Variants in CRISP2 observed in about 807,000 individuals in gnomAD.
The protein encoded by CRISP2 is cysteine rich secretory protein 2, also known as cysteine-rich secretory protein 2.
A neutral mutation model predicts 31.7 loss-of-function variants in CRISP2; 29 were observed. That is an observed-to-expected ratio of 0.92 (90% CI 0.68 to 1.25). The LOEUF is 1.25. CRISP2 is among the 50% of genes most tolerant of loss of function. CRISP2 has a pLI of 0.00. For synonymous variants in CRISP2, 111 were observed against 101.4 expected (o/e 1.09, Z -0.57); for missense variants, 318 against 286.5 (o/e 1.11, Z -0.79).
the CRISP2 span, among the ~76,000 whole-genome samples, chr6:49,682,587 T>TTTTC: frequency 0.054 from 4,503 of 83,222 alleles, 159 homozygotes; most frequent in Non-Finnish European, 0.073. Flanking sequence ...CTTTCTTTCT[T>TTTTC]TTTCTTTCTT....
chr6:49,692,747 G>A lies in CRISP2; in HGVS notation c.*26C>T. The A allele has an allele frequency of 6.2e-7, 1 of 1,604,914 alleles. No individual in the cohort carries two copies. ...AAATGATGCAGCCCTTATCCATGCA[G>A]TCTTGCACAATGCTCACTAGGTAAA... On this transcript the variant is annotated 3_prime_UTR_variant, in exon 10 of 10. Transcript: ENST00000339139.
At chr6:49,703,597 G>C (rs1350377031) in intron 4 of CRISP2, among the ~76,000 whole-genome samples, 2 of 152,116 alleles carry the variant, frequency 1.3e-5, no homozygotes, top group Admixed American at 1.3e-4. Flanking sequence ...AAGGTACTGA[G>C]TTCTTGATTT....
At position 49,700,787 on chromosome 6, in the gene CRISP2, A is replaced by T. The variant is rs750411661; in HGVS notation, c.67-3T>A. The T allele has an allele frequency of 9.7e-5, 148 of 1,530,208 alleles. No homozygotes were observed. Among genetic ancestry groups the T allele is most frequent in the Non-Finnish European group, 1.3e-4 (140 of 1,106,916 alleles). 94.8% of individuals were successfully genotyped at this position (1,530,208 alleles called of 1,614,324 possible). On this transcript the variant is annotated splice_polypyrimidine_tract_variant and splice_region_variant and intron_variant, in intron 4 of 9. Coordinates refer to ENST00000339139, the MANE Select transcript of CRISP2 (RefSeq NM_003296.4). ...AACAAAGCAGTAAAAGCGGGATCCT[A>T]AAAGAAAATAAAATTGGAATTATTA...
the CRISP2 span, among the ~76,000 whole-genome samples, chr6:49,682,619 C>CT: frequency 1.4e-5 from 1 of 70,476 alleles, no homozygotes; most frequent in Non-Finnish European, 2.4e-5. Context: ...TTCTTTCTTT[C>CT]TTTCTTTCTT....
At chr6:49,711,577 A>C (rs549019558) in intron 2 of CRISP2, among the ~76,000 whole-genome samples, 2 of 152,290 alleles carry the variant, frequency 1.3e-5, no homozygotes, top group Non-Finnish European at 2.9e-5. Flanking sequence ...CTCCTTAGGC[A>C]CACGATAATC....
downstream of CRISP2, among the ~76,000 whole-genome samples, chr6:49,687,969 C>T (rs1482316714): frequency 2.0e-5 from 3 of 152,144 alleles, no homozygotes; most frequent in African/African-American, 7.2e-5. Flanking sequence ...GTATTAGGCA[C>T]ACCTGTGTTC....
At chr6:49,711,628 C>T (rs1227873981) in intron 2 of CRISP2, among the ~76,000 whole-genome samples, 1 of 152,146 alleles carries the variant, frequency 6.6e-6, no homozygotes, top group Admixed American at 6.5e-5. Context: ...ATATTGACAA[C>T]CCAAGACAGG....
At chr6:49,681,371 AC>A in the CRISP2 span, among the ~76,000 whole-genome samples, 3 of 152,048 alleles carry the variant, frequency 2.0e-5, no homozygotes, top group Non-Finnish European at 4.4e-5. Context: ...TTTTGTACTT[AC>A]CAGTATCATG....
the CRISP2 span, among the ~76,000 whole-genome samples, chr6:49,681,875 G>A: frequency 0.74 from 112,743 of 151,952 alleles, 42,719 homozygotes; most frequent in East Asian, 0.97. Context: ...TAATCAATAT[G>A]TTGCTTTCCT....
intron 7 of CRISP2, 77 bp from the exon 8 acceptor site, chr6:49,698,034 A>G: frequency 8.5e-7 from 1 of 1,177,732 alleles, no homozygotes; most frequent in Non-Finnish European, 1.2e-6. Context: ...TAGCAAATAT[A>G]AAACTGAAAA....
the CRISP2 span, among the ~76,000 whole-genome samples, chr6:49,684,596 A>G: frequency 6.6e-6 from 1 of 152,308 alleles, no homozygotes; most frequent in East Asian, 1.9e-4. Context: ...ATTGAGTATC[A>G]TTAGTACCTC....
chr6:49,693,429 C>T lies in CRISP2; in HGVS notation c.605-529G>A, dbSNP rs191870342. Among the ~76,000 whole-genome samples the T allele has an allele frequency of 3.3e-5, 5 of 152,296 alleles. No individual in the cohort carries two copies. In the East Asian group the frequency reaches 9.6e-4, roughly 29 times the overall value. On this transcript the variant is annotated intron_variant, in intron 9 of 9. Coordinates refer to ENST00000339139, the MANE Select transcript of CRISP2 (RefSeq NM_003296.4). ...ATATTGGGCAGCATGGCATTACACT[C>T]CAATGCTTTTTTTGAGTAAATAATC... is the stretch of plus-strand genomic sequence containing the variant.
chr6:49,709,263 AG>A, intron 3 of CRISP2, 58 bp from the exon 4 acceptor site: 1 of 1,412,876 alleles, frequency 7.1e-7, no homozygotes, highest in Non-Finnish European at 9.9e-7. Context: ...AACTTCTAAG[AG>A]GGGGAATACC....
At chr6:49,705,209 G>T (rs1766814198) in intron 4 of CRISP2, among the ~76,000 whole-genome samples, 1 of 151,978 alleles carries the variant, frequency 6.6e-6, no homozygotes, top group Non-Finnish European at 1.5e-5. Flanking sequence ...ATGGGGGTGT[G>T]GTTCTCAGGC....
chr6:49,697,905 T>C lies in CRISP2; in HGVS notation c.470A>G (p.Asn157Ser), dbSNP rs772193402. 1.4e-5 allele frequency: 22 copies of C among 1,611,852 alleles called. No homozygotes were observed. In the South Asian group the frequency reaches 1.9e-4, roughly 14 times the overall value. ...ATAGTAGTATTTTAGACTATCTTGA[T>C]TGGGACAGTAGGCAATTCCACAGCC... Reference protein sequence around the residue: ...QVGCGIAYCPNQDSLKYYYVC... With the variant: ...QVGCGIAYCPSQDSLKYYYVC... Residue 157 changes from asparagine (N) to serine (S), a missense_variant, in exon 8 of 10, where the codon AAT becomes AGT. By Grantham distance (46) the Asn-to-Ser change is conservative. Coordinates refer to ENST00000339139, the MANE Select transcript of CRISP2 (RefSeq NM_003296.4).
At chr6:49,691,527 G>T (rs1193266755), downstream of CRISP2, among the ~76,000 whole-genome samples, 1 of 151,902 alleles carries the variant, frequency 6.6e-6, no homozygotes, top group Non-Finnish European at 1.5e-5. Context: ...CTATATTGCT[G>T]ATACATTTAC....
chr6:49,694,740 C>CTTT (rs61258519), intron 9 of CRISP2, among the ~76,000 whole-genome samples: 9 of 141,908 alleles, frequency 6.3e-5, no homozygotes, highest in Non-Finnish European at 7.6e-5. Context: ...CTATTTTTTT[C>CTTT]TTTTTTTTTT....
chr6:49,706,220 A>C (rs1383350787), intron 4 of CRISP2, among the ~76,000 whole-genome samples: 1 of 152,176 alleles, frequency 6.6e-6, no homozygotes, highest in Non-Finnish European at 1.5e-5. Flanking sequence ...ATTCATCTTA[A>C]ATTTTATGGG....
At chr6:49,707,804 C>T (rs1469169846) in intron 4 of CRISP2, among the ~76,000 whole-genome samples, 6 of 152,154 alleles carry the variant, frequency 3.9e-5, no homozygotes, top group Non-Finnish European at 8.8e-5. Flanking sequence ...GTTTCAGAGG[C>T]TACCTGCTCA....
Sources: gnomAD v4.1 joint callset for allele counts (sites outside exome capture counted in the v4.1 genomes callset) on GRCh38, gnomAD v4.1.1 for gene constraint, MANE v1.5 for transcripts, NCBI Gene and HGNC (gene_info 2026-07-23, HGNC 2026-07-21) for gene names.